Variants in CA10 observed in about 807,000 individuals in gnomAD.
The protein encoded by CA10 is carbonic anhydrase-related protein 10.
A neutral mutation model predicts 44.2 loss-of-function variants in CA10; 14 were observed. The observed-to-expected ratio is 0.32, with a 90% CI of 0.21 to 0.50. The LOEUF is 0.50. Among genes scored for constraint, CA10 ranks in the 20% least tolerant of loss-of-function variants. The probability of loss-of-function intolerance (pLI) is 0.99; values close to 1 mark genes in which losing one functional copy is unlikely to be tolerated. For synonymous variants in CA10, 159 were observed against 141.6 expected (o/e 1.12, Z -0.87); for missense variants, 350 against 409.7 (o/e 0.85, Z 1.26).
Position 51,653,128 on chromosome 17 carries a change from G to C in CA10, c.561+513C>G, listed in dbSNP as rs79206905. Among the ~76,000 whole-genome samples, 1,399 of 152,276 alleles carry C rather than the reference G, an allele frequency of 9.2e-3. 12 individuals carry two copies. The highest frequency in any genetic ancestry group is 0.024 in the Middle Eastern group (7 of 294). On this transcript the variant is annotated intron_variant, in intron 5 of 8. Coordinates refer to ENST00000451037, the MANE Select transcript of CA10 (RefSeq NM_020178.5). ...CAGTGTGGGTAATCTTATTACCAGG[G>C]AGGCTTATGAAGGAACGGGAGAGCG...
chr17:51,766,873 G>A (rs1216253427), intron 3 of CA10, among the ~76,000 whole-genome samples: 1 of 152,180 alleles, frequency 6.6e-6, no homozygotes, highest in East Asian at 1.9e-4. Context: ...AAGGTGAGAA[G>A]TGGATTGTGC....
In CA10 at chr17:51,911,308, C is replaced by T. The variant is rs551539279; in HGVS notation, c.279+19682G>A. On this transcript the variant is annotated intron_variant, in intron 3 of 8. Coordinates refer to ENST00000451037, the MANE Select transcript of CA10 (RefSeq NM_020178.5). ...TGAGATTTTTGTGGTGGATAGATAG[C>T]GTTATTGCGGCAATAACTTACTAAC... Among the ~76,000 whole-genome samples the T allele has an allele frequency of 1.4e-4, 22 of 152,190 alleles. 1 individual carries two copies. The highest frequency in any genetic ancestry group is 4.1e-4 in the South Asian group (2 of 4,820).
At chr17:51,647,291 C>A (rs528445899) in intron 6 of CA10, among the ~76,000 whole-genome samples, 2 of 152,162 alleles carry the variant, frequency 1.3e-5, no homozygotes, top group African/African-American at 4.8e-5. Flanking sequence ...GGGCGTGCCT[C>A]GTCTTAGGCA....
chr17:51,992,081 T>A (rs1985062361), intron 2 of CA10, among the ~76,000 whole-genome samples: 2 of 152,116 alleles, frequency 1.3e-5, no homozygotes, highest in African/African-American at 4.8e-5. Flanking sequence ...TATATTATTT[T>A]GGTTCTGGTT....
chr17:51,845,897 T>C (rs2143812740), intron 3 of CA10, among the ~76,000 whole-genome samples: 1 of 152,356 alleles, frequency 6.6e-6, no homozygotes, highest in East Asian at 1.9e-4. Flanking sequence ...TCATATTCCC[T>C]TGAGAAATGC....
intron 4 of CA10, among the ~76,000 whole-genome samples, chr17:51,688,439 G>A (rs750089979): frequency 3.3e-5 from 5 of 152,056 alleles, no homozygotes; most frequent in Non-Finnish European, 7.4e-5. Context: ...TTTGAATTAC[G>A]GTTTGCACGA....
chr17:51,807,548 C>A (rs1170961725), intron 3 of CA10, among the ~76,000 whole-genome samples: 1 of 152,094 alleles, frequency 6.6e-6, no homozygotes, highest in Admixed American at 6.6e-5. Flanking sequence ...TGTTGTCCAC[C>A]AAAAGACATA....
intron 3 of CA10, among the ~76,000 whole-genome samples, chr17:51,882,885 T>C (rs552469089): frequency 1.1e-4 from 17 of 152,358 alleles, no homozygotes; most frequent in African/African-American, 4.1e-4. Flanking sequence ...TTTCTCAGAA[T>C]AGAGTAATAG....
intron 1 of CA10, among the ~76,000 whole-genome samples, chr17:52,131,140 G>C (rs1285467169): frequency 2.0e-5 from 3 of 147,824 alleles, no homozygotes; most frequent in Non-Finnish European, 4.5e-5. Context: ...AAATATTATT[G>C]TTTGGCATTA....
intron 3 of CA10, among the ~76,000 whole-genome samples, chr17:51,765,274 T>C (rs781154902): frequency 2.0e-4 from 31 of 152,218 alleles, no homozygotes; most frequent in Non-Finnish European, 3.5e-4. Flanking sequence ...GTGGGCTGTT[T>C]AGCTCCCTCA....
At chr17:51,803,084 C>A (rs1321494027) in intron 3 of CA10, among the ~76,000 whole-genome samples, 1 of 152,172 alleles carries the variant, frequency 6.6e-6, no homozygotes, top group Non-Finnish European at 1.5e-5. Flanking sequence ...CAGAGCAAAC[C>A]AGTTTCTTCC....
At chr17:51,690,211 G>A (rs1915144599) in intron 4 of CA10, among the ~76,000 whole-genome samples, 1 of 152,174 alleles carries the variant, frequency 6.6e-6, no homozygotes, top group Non-Finnish European at 1.5e-5. Context: ...GCCTCCCAAA[G>A]TGCTGGGATT....
At chr17:51,837,814 A>C (rs1044438245) in intron 3 of CA10, among the ~76,000 whole-genome samples, 5 of 152,190 alleles carry the variant, frequency 3.3e-5, no homozygotes, top group Non-Finnish European at 7.4e-5. Context: ...AGTCAGGTCC[A>C]TGGGAGGCTA....
In CA10 at chr17:51,788,051, G is replaced by A. The variant is rs1177850083; in HGVS notation, c.280-40233C>T. 4.6e-5 allele frequency among the ~76,000 whole-genome samples: 7 copies of A among 152,186 alleles called. No homozygotes were observed. The East Asian group carries it at 7.7e-4, about 17-fold the overall frequency. ...GTTCTTTAAGATACATGGTTAGGTT[G>A]CTTATTTGAAATTTTTCTTCTTTTT... On this transcript the variant is annotated intron_variant, in intron 3 of 8. Transcript: ENST00000451037.
chr17:51,661,726 G>A (rs904559831), intron 4 of CA10: 1 of 152,206 alleles, frequency 6.6e-6, no homozygotes, highest in Admixed American at 6.5e-5. Flanking sequence ...GAAACTTGAG[G>A]AAGGTGTCAC....
At chr17:51,925,762 T>A (rs1029370731) in intron 3 of CA10, among the ~76,000 whole-genome samples, 2 of 152,148 alleles carry the variant, frequency 1.3e-5, no homozygotes, top group African/African-American at 4.8e-5. Context: ...GCCTTAAAAA[T>A]GAATTAAATT....
intron 1 of CA10, among the ~76,000 whole-genome samples, chr17:52,151,507 C>T (rs967212667): frequency 6.6e-6 from 1 of 152,110 alleles, no homozygotes; most frequent in Admixed American, 6.5e-5. Flanking sequence ...ATACACATTT[C>T]TATTTTACAA....
intron 3 of CA10, among the ~76,000 whole-genome samples, chr17:51,777,897 A>T (rs1417018939): frequency 6.6e-6 from 1 of 152,100 alleles, no homozygotes; most frequent in Non-Finnish European, 1.5e-5. Flanking sequence ...GTGCCACTGC[A>T]CTCTAGCCTG....
intron 3 of CA10, among the ~76,000 whole-genome samples, chr17:51,795,337 T>A (rs1906665542): frequency 6.6e-6 from 1 of 152,296 alleles, no homozygotes; most frequent in East Asian, 1.9e-4. Context: ...ACTGTAGCCA[T>A]CTAAACACAA....
Sources: gnomAD v4.1 joint callset for allele counts (sites outside exome capture counted in the v4.1 genomes callset) on GRCh38, gnomAD v4.1.1 for gene constraint, MANE v1.5 for transcripts, NCBI Gene and HGNC (gene_info 2026-07-23, HGNC 2026-07-21) for gene names.